Variants in DBF4B observed in about 807,000 individuals in gnomAD.
The protein encoded by DBF4B is DBF4B-CDC7 kinase regulatory subunit.
DBF4B carries 49 observed loss-of-function variants against 53.4 expected under a neutral mutation model. That is an observed-to-expected ratio of 0.92 (90% CI 0.73 to 1.16). The LOEUF (loss-of-function observed/expected upper bound fraction) is 1.16. DBF4B is among the 50% of genes most tolerant of loss of function. The pLI, the probability that DBF4B is intolerant of heterozygous loss-of-function variation, is 0.00. For missense variants in DBF4B, 692 were observed against 775.0 expected, an observed-to-expected ratio of 0.89 and a Z score of 1.27; for synonymous variants, 257 against 288.7, an observed-to-expected ratio of 0.89 and a Z score of 1.11.
Position 44,715,812 on chromosome 17 carries a change from C to CTTTTTTT in DBF4B, c.82+6468_82+6474dup, listed in dbSNP as rs869200833. Reference sequence around the variant, plus strand: ...GTTAGCCTAATTTCTTTCTTTCTTTCTTTTTTTTTTTTTTTTTTTTTTTTT... The same window carrying CTTTTTTT: ...GTTAGCCTAATTTCTTTCTTTCTTTCTTTTTTTTTTTTTTTTTTTTTTTTTTTTTTTT... On this transcript the variant is annotated intron_variant, in intron 2 of 13. Coordinates refer to ENST00000315005, the MANE Select transcript of DBF4B (RefSeq NM_145663.3). Among the ~76,000 whole-genome samples the CTTTTTTT allele has an allele frequency of 6.3e-4, 35 of 55,542 alleles. 1 individual carries two copies. Among genetic ancestry groups the CTTTTTTT allele is most frequent in the Non-Finnish European group, 8.8e-4 (27 of 30,666 alleles). The allele number at this position is 55,542 out of a possible 152,430, so 36.4% of individuals were successfully genotyped here.
chr17:44,730,066 C>T lies in DBF4B; in HGVS notation c.387C>T (p.His129=). The T allele has an allele frequency of 1.2e-6, 2 of 1,612,752 alleles. No homozygotes were observed. The highest frequency in any genetic ancestry group is 1.7e-6 in the Non-Finnish European group (2 of 1,180,022). ...TSAMVDPKGS[H]PRPSRKPVDS... ...CCATGGTTGATCCAAAAGGCAGCCA[C>T]CCCAGGCCTTCACGGAAACCCGTTG... is the stretch of plus-strand genomic sequence containing the variant. Residue 129 remains histidine (H), a synonymous_variant, in exon 4 of 14, where the codon CAC becomes CAT. Transcript: ENST00000315005.
chr17:44,731,477 C>T (rs991852549), intron 5 of DBF4B: 1 of 187,972 alleles, frequency 5.3e-6, no homozygotes, highest in African/African-American at 2.4e-5. Context: ...GTGGCACGCA[C>T]CTGTAGTCCC....
intron 7 of DBF4B, 56 bp from the exon 8 acceptor site, chr17:44,736,774 T>G: frequency 1.2e-6 from 2 of 1,605,316 alleles, no homozygotes; most frequent in Non-Finnish European, 1.7e-6. Context: ...TCAGGCCCAG[T>G]TCCTTGACCC....
intron 3 of DBF4B, among the ~76,000 whole-genome samples, chr17:44,725,802 C>T (rs1312748772): frequency 1.3e-5 from 2 of 151,104 alleles, no homozygotes; most frequent in African/African-American, 2.4e-5. Flanking sequence ...ATCCTCCCGC[C>T]TCAGTCTCCC....
chr17:44,732,203 G>T lies in DBF4B; in HGVS notation c.494G>T (p.Gly165Val). The T allele has an allele frequency of 6.2e-7, 1 of 1,614,124 alleles. No individual in the cohort carries two copies. The highest frequency in any genetic ancestry group is 8.5e-7 in the Non-Finnish European group (1 of 1,180,018). Residue 165 changes from glycine to valine, a missense_variant, in exon 6 of 14, where the codon GGG (glycine) becomes GTG (valine). Physicochemically the swap from Gly to Val is moderately radical, Grantham distance 109. Coordinates refer to ENST00000315005, the MANE Select transcript of DBF4B (RefSeq NM_145663.3). ...GGGAGCATCAGTGGAGGAGGCAGTG[G>T]GGGCAGCAGCAGCCTCCTGACCAAT... Reference protein sequence around the residue: ...NQGSISGGGSGGSSSLLTNAR... With the variant: ...NQGSISGGGSVGSSSLLTNAR...
intron 4 of DBF4B, among the ~76,000 whole-genome samples, 198 bp downstream of exon 4, chr17:44,730,294 T>G (rs1974722375): frequency 6.6e-6 from 1 of 152,238 alleles, no homozygotes; most frequent in African/African-American, 2.4e-5. Flanking sequence ...TACCCTTTTA[T>G]GCCTTATGTC....
In DBF4B at chr17:44,734,117, C is replaced by T; in HGVS notation, c.584C>T (p.Ser195Phe). The change falls in exon 7 of 14, where the codon TCT becomes TTT. Residue 195 changes from serine (S) to phenylalanine (F), a missense_variant. By Grantham distance (155) the Ser-to-Phe change is radical. Around this residue, in one of 3 missense-constraint regions of DBF4B, gnomAD observed 597 missense variants for 665.8 expected, o/e 0.90. Coordinates refer to ENST00000315005, the MANE Select transcript of DBF4B (RefSeq NM_145663.3). The stretch of plus-strand genomic sequence containing the variant: ...ATGATGATGCACGTGCAACAGCTGT[C>T]TCTTGCGTCTTTATGTGTGAAAAAA... ...DEMMMHVQQLSLASLCVKKQQ... is the reference protein window; with the variant it reads ...DEMMMHVQQLFLASLCVKKQQ... 1 of 1,614,198 alleles carries T rather than the reference C, an allele frequency of 6.2e-7. No individual in the cohort carries two copies. The highest frequency in any genetic ancestry group is 8.5e-7 in the Non-Finnish European group (1 of 1,180,038).
At chr17:44,724,072 G>A (rs924712372) in intron 3 of DBF4B, among the ~76,000 whole-genome samples, 1 of 152,140 alleles carries the variant, frequency 6.6e-6, no homozygotes, top group Admixed American at 6.6e-5. Context: ...TTGCACCACT[G>A]CATTCCAGCC....
chr17:44,715,812 CTTTTTTTTTTTTTTTT>C (rs869200833), intron 2 of DBF4B, among the ~76,000 whole-genome samples: 1 of 55,512 alleles, frequency 1.8e-5, no homozygotes, highest in Non-Finnish European at 3.3e-5. Context: ...TTCTTTCTTT[CTTTTTTTTTTTTTTTT>C]TTTTTTTTTT....
At chr17:44,708,885 A>C (rs936013018) in intron 1 of DBF4B, 46 bp downstream of exon 1, 20 of 1,548,586 alleles carry the variant, frequency 1.3e-5, no homozygotes, top group Non-Finnish European at 1.7e-5. Context: ...AGGGGTCGTT[A>C]ATAGCTGAGG....
At chr17:44,733,925 G>T (rs73984063) in intron 6 of DBF4B, 165 bp from the exon 7 acceptor site, 6 of 616,268 alleles carry the variant, frequency 9.7e-6, no homozygotes, top group South Asian at 9.5e-5. Flanking sequence ...CTTAACCTCC[G>T]CTGTCAGGAG....
At chr17:44,713,497 A>G (rs1973076721) in intron 2 of DBF4B, among the ~76,000 whole-genome samples, 1 of 151,970 alleles carries the variant, frequency 6.6e-6, no homozygotes, top group Non-Finnish European at 1.5e-5. Flanking sequence ...TACTAAAAAT[A>G]CAAAAATCAG....
chr17:44,719,904 C>A (rs529047441), intron 2 of DBF4B: 2 of 208,504 alleles, frequency 9.6e-6, no homozygotes, highest in South Asian at 2.0e-4. Flanking sequence ...GCTCTGTAAT[C>A]TATTTCTCTT....
At chr17:44,720,995 A>T (rs1973785584) in intron 2 of DBF4B, among the ~76,000 whole-genome samples, 1 of 151,758 alleles carries the variant, frequency 6.6e-6, no homozygotes, top group Admixed American at 6.6e-5. Context: ...CCTCCCGAGT[A>T]GCTGGGATTA....
At chr17:44,744,090 C>CT (rs1555547549) in intron 10 of DBF4B, among the ~76,000 whole-genome samples, 1 of 56,526 alleles carries the variant, frequency 1.8e-5, no homozygotes, top group Non-Finnish European at 3.9e-5. Context: ...CACCCCCCCC[C>CT]CCCCCCGCCC....
chr17:44,711,771 CTAAAAATA>C (rs1385784929), intron 2 of DBF4B, among the ~76,000 whole-genome samples: 1 of 152,054 alleles, frequency 6.6e-6, no homozygotes, highest in Non-Finnish European at 1.5e-5. Flanking sequence ...CCCATCTCTA[CTAAAAATA>C]CAAAAAATTA....
intron 2 of DBF4B, among the ~76,000 whole-genome samples, chr17:44,715,794 T>C (rs1330295242): frequency 6.8e-6 from 1 of 147,468 alleles, no homozygotes; most frequent in Non-Finnish European, 1.5e-5. Flanking sequence ...TTTGTTAGCC[T>C]AATTTCTTTC....
At chr17:44,748,508 C>A (rs1365868953) in intron 13 of DBF4B, 43 bp downstream of exon 13, 2 of 1,612,324 alleles carry the variant, frequency 1.2e-6, no homozygotes, top group Non-Finnish European at 1.7e-6. Context: ...ACGCAGGCAC[C>A]AGCTGAACGT....
At chr17:44,746,861 G>GC (rs2049108068) in intron 10 of DBF4B, among the ~76,000 whole-genome samples, 1 of 151,144 alleles carries the variant, frequency 6.6e-6, no homozygotes, top group South Asian at 2.1e-4. Context: ...AAGACAGGCT[G>GC]CCCACAGGGA....
Sources: gnomAD v4.1 joint callset for allele counts (sites outside exome capture counted in the v4.1 genomes callset) on GRCh38, gnomAD v4.1.1 for gene constraint, gnomAD v4.1.1 regional missense constraint, MANE v1.5 for transcripts, NCBI Gene and HGNC (gene_info 2026-07-23, HGNC 2026-07-21) for gene names.